RPS6KC1: variants seen among roughly 807,000 people sequenced by gnomAD.
The protein encoded by RPS6KC1 is inactive ribosomal protein S6 kinase delta-1.
A neutral mutation model predicts 103.8 loss-of-function variants in RPS6KC1; 54 were observed. The observed-to-expected ratio is 0.52, with a 90% CI of 0.42 to 0.65. The LOEUF is 0.65. RPS6KC1 is among the 30% of genes least tolerant of loss of function. The pLI, the probability that RPS6KC1 is intolerant of heterozygous loss-of-function variation, is 0.00. For synonymous variants in RPS6KC1, 439 were observed against 438.7 expected, an observed-to-expected ratio of 1.00 and a Z score of -0.01; for missense variants, 1,151 against 1,253.8, an observed-to-expected ratio of 0.92 and a Z score of 1.24.
chr1:213,412,495 T>C, the RPS6KC1 span, among the ~76,000 whole-genome samples: 1 of 152,268 alleles, frequency 6.6e-6, no homozygotes, highest in Non-Finnish European at 1.5e-5. Flanking sequence ...CATTTCTGTA[T>C]GTTTCCTGCT....
chr1:213,816,157 C>T, the RPS6KC1 span, among the ~76,000 whole-genome samples: 5 of 152,028 alleles, frequency 3.3e-5, no homozygotes, highest in Non-Finnish European at 1.5e-5. Context: ...AGATCCCTGA[C>T]CACAGATCAT....
the RPS6KC1 span, among the ~76,000 whole-genome samples, chr1:213,297,104 T>C: frequency 6.6e-6 from 1 of 152,196 alleles, no homozygotes; most frequent in Non-Finnish European, 1.5e-5. Context: ...CAGCAGCAGA[T>C]GACAATGGCG....
chr1:213,059,412 T>C (rs1232204318), intron 1 of RPS6KC1, among the ~76,000 whole-genome samples: 2 of 152,344 alleles, frequency 1.3e-5, no homozygotes, highest in East Asian at 1.9e-4. Context: ...GTAGACTTCC[T>C]TGCCTTGTTC....
intron 8 of RPS6KC1, among the ~76,000 whole-genome samples, chr1:213,225,493 A>C (rs1040503444): frequency 2.0e-5 from 3 of 151,858 alleles, no homozygotes; most frequent in African/African-American, 7.3e-5. Context: ...GATTCAAGTG[A>C]TTCTCATGCC....
the RPS6KC1 span, among the ~76,000 whole-genome samples, chr1:213,738,486 T>A: frequency 7.2e-5 from 11 of 151,874 alleles, no homozygotes; most frequent in Admixed American, 6.6e-4. Context: ...AAAAAGGAGG[T>A]AATGAGCCGC....
At chr1:213,857,487 G>A in the RPS6KC1 span, among the ~76,000 whole-genome samples, 2 of 152,112 alleles carry the variant, frequency 1.3e-5, no homozygotes, top group African/African-American at 2.4e-5. Context: ...GCAACCAGAC[G>A]GCAGATCATT....
At chr1:213,172,553 C>CA (rs1558472809) in intron 7 of RPS6KC1, among the ~76,000 whole-genome samples, 1 of 152,194 alleles carries the variant, frequency 6.6e-6, no homozygotes, top group East Asian at 1.9e-4. Flanking sequence ...ATCGAGCTTG[C>CA]AGTGAGCCGA....
the RPS6KC1 span, among the ~76,000 whole-genome samples, chr1:213,627,349 A>G: frequency 6.6e-6 from 1 of 152,190 alleles, no homozygotes. Context: ...TTCTAGATAT[A>G]CAATCATGTC....
chr1:213,475,367 G>A, the RPS6KC1 span, among the ~76,000 whole-genome samples: 1 of 152,062 alleles, frequency 6.6e-6, no homozygotes, highest in Non-Finnish European at 1.5e-5. Context: ...TTACTAAGAG[G>A]GGCTTGCATA....
chr1:213,530,589 T>C, the RPS6KC1 span, among the ~76,000 whole-genome samples: 2 of 152,206 alleles, frequency 1.3e-5, no homozygotes, highest in Non-Finnish European at 2.9e-5. Flanking sequence ...AGTTAATAAG[T>C]GCATCTGTAA....
chr1:213,278,945 CTG>C (rs766390900), downstream of RPS6KC1, among the ~76,000 whole-genome samples: 6 of 151,480 alleles, frequency 4.0e-5, no homozygotes, highest in Non-Finnish European at 7.4e-5. Flanking sequence ...GACAAAAAGA[CTG>C]TTGTGTATAA....
chr1:213,606,856 A>T, the RPS6KC1 span, among the ~76,000 whole-genome samples: 11 of 152,216 alleles, frequency 7.2e-5, no homozygotes, highest in Non-Finnish European at 1.5e-4. Context: ...ATAAGAACTG[A>T]TATTACTGAG....
the RPS6KC1 span, among the ~76,000 whole-genome samples, chr1:213,339,915 G>C: frequency 6.6e-6 from 1 of 151,864 alleles, no homozygotes; most frequent in African/African-American, 2.4e-5. Flanking sequence ...CTCTCAAGAC[G>C]GAGTCTTGCT....
the RPS6KC1 span, among the ~76,000 whole-genome samples, chr1:213,578,508 C>G: frequency 6.6e-6 from 1 of 152,222 alleles, no homozygotes; most frequent in Non-Finnish European, 1.5e-5. Flanking sequence ...ATGACAGCAG[C>G]CAGTAGCGGG....
At chr1:213,343,385 T>TTGTG in the RPS6KC1 span, among the ~76,000 whole-genome samples, 3 of 72,092 alleles carry the variant, frequency 4.2e-5, no homozygotes, top group African/African-American at 2.1e-4. Context: ...TTTTTCAGTG[T>TTGTG]TGTGTGTATA....
chr1:213,684,445 C>G, the RPS6KC1 span, among the ~76,000 whole-genome samples: 4 of 152,266 alleles, frequency 2.6e-5, no homozygotes, highest in African/African-American at 7.2e-5. Context: ...CACTGTGTCC[C>G]CATTACCCCT....
intron 4 of RPS6KC1, among the ~76,000 whole-genome samples, chr1:213,115,532 G>GT (rs1553329672): frequency 6.6e-6 from 1 of 152,042 alleles, no homozygotes; most frequent in Non-Finnish European, 1.5e-5. Flanking sequence ...TTTTTGAAGG[G>GT]TTTTTTGTAT....
the RPS6KC1 span, among the ~76,000 whole-genome samples, chr1:213,855,526 T>C: frequency 6.6e-6 from 1 of 152,336 alleles, no homozygotes; most frequent in African/African-American, 2.4e-5. Flanking sequence ...ACCTCTTCAC[T>C]AGCCTAGCAT....
the RPS6KC1 span, among the ~76,000 whole-genome samples, chr1:213,457,227 C>G: frequency 4.6e-5 from 7 of 152,202 alleles, no homozygotes; most frequent in Non-Finnish European, 1.0e-4. Flanking sequence ...TTGATCCAAG[C>G]TTTGCCTGCT....
Sources: allele counts gnomAD v4.1 joint callset (sites outside exome capture counted in the v4.1 genomes callset), GRCh38; gene constraint gnomAD v4.1.1; transcripts MANE v1.5; gene names NCBI Gene and HGNC (gene_info 2026-07-23, HGNC 2026-07-21).